PCNX2: variants seen among roughly 807,000 people sequenced by gnomAD.
PCNX2 encodes the protein pecanex-like protein 2.
In PCNX2, 168 loss-of-function variants were observed where a neutral mutation model predicts 223.8. The ratio of observed to expected loss-of-function variants is 0.75; its 90% CI spans 0.66 to 0.85. PCNX2 has a LOEUF of 0.85. Ranked by LOEUF, PCNX2 falls within the 40% of genes least tolerant of loss-of-function variation. The pLI is 0.00. For missense variants in PCNX2, 2,507 were observed against 2,675.5 expected, an observed-to-expected ratio of 0.94 and a Z score of 1.39; for synonymous variants, 1,006 against 1,052.6, an observed-to-expected ratio of 0.96 and a Z score of 0.86.
rs1332467373 is a variant in PCNX2, at chr1:233,045,118, G to A, written c.4351+9150C>T. Among the ~76,000 whole-genome samples, 3 of 152,168 alleles carry A rather than the reference G, an allele frequency of 2.0e-5. No homozygotes were observed. The East Asian group carries it at 5.8e-4, about 29-fold the overall frequency. ...GTTTGGGCAATTTTGTACTGCACCAGAACTACCCCAGTTATTTTTTGTTCA... is the reference window on the plus strand; with the variant it reads ...GTTTGGGCAATTTTGTACTGCACCAAAACTACCCCAGTTATTTTTTGTTCA... On this transcript the variant is annotated intron_variant, in intron 25 of 33. Transcript: ENST00000258229.
At chr1:233,090,344 A>C in intron 22 of PCNX2, 154 bp from the exon 23 acceptor site, 1 of 463,742 alleles carries the variant, frequency 2.2e-6, no homozygotes, top group South Asian at 9.2e-5. Flanking sequence ...TAGATTTATA[A>C]ATATAAAACT....
chr1:233,209,872 C>T (rs1396253175), intron 12 of PCNX2, among the ~76,000 whole-genome samples: 1 of 152,138 alleles, frequency 6.6e-6, no homozygotes, highest in Non-Finnish European at 1.5e-5. Context: ...TATTTCTCAT[C>T]AAGTGAATAG....
At chr1:233,320,359 G>A in the PCNX2 span, among the ~76,000 whole-genome samples, 1 of 152,090 alleles carries the variant, frequency 6.6e-6, no homozygotes, top group Admixed American at 6.5e-5. Context: ...TCGTGTGTGT[G>A]TGTGTGTGTG....
At chr1:233,159,570 G>C (rs1678340691) in intron 19 of PCNX2, among the ~76,000 whole-genome samples, 1 of 152,110 alleles carries the variant, frequency 6.6e-6, no homozygotes, top group Non-Finnish European at 1.5e-5. Flanking sequence ...AACTTTGATG[G>C]GTCTAAAACT....
At chr1:233,021,007 G>A (rs192882673) in intron 26 of PCNX2, among the ~76,000 whole-genome samples, 2 of 152,118 alleles carry the variant, frequency 1.3e-5, no homozygotes, top group Non-Finnish European at 2.9e-5. Context: ...AGGCAACTTT[G>A]TTCACCTAGC....
intron 12 of PCNX2, among the ~76,000 whole-genome samples, chr1:233,213,554 C>T (rs932047816): frequency 6.6e-6 from 1 of 152,140 alleles, no homozygotes; most frequent in African/African-American, 2.4e-5. Context: ...TTTAAAACTA[C>T]TCTAAAATAA....
At position 233,265,421 on chromosome 1, in the gene PCNX2, G is replaced by C. The variant is rs1425528445; in HGVS notation, c.154-2258C>G. Among the ~76,000 whole-genome samples, 3 of 152,058 alleles carry C rather than the reference G, an allele frequency of 2.0e-5. No individual in the cohort carries two copies. The East Asian group carries it at 5.8e-4, about 29-fold the overall frequency. ...AGGCTGAGGCCATATGACTACTTTT[G>C]CCCAATGGACAATGAGCACAAGTGC... On this transcript the variant is annotated intron_variant, in intron 1 of 33. Coordinates refer to ENST00000258229, the MANE Select transcript of PCNX2 (RefSeq NM_014801.4).
At chr1:233,215,958 TC>T (rs1682101526) in intron 12 of PCNX2, among the ~76,000 whole-genome samples, 1 of 152,234 alleles carries the variant, frequency 6.6e-6, no homozygotes. Flanking sequence ...TGCCATGTGA[TC>T]GTCCAATTAT....
Position 233,025,228 on chromosome 1 carries a change from C to G in PCNX2, c.4523G>C (p.Gly1508Ala). 6.2e-7 allele frequency: 1 copy of G among 1,613,990 alleles called. No homozygotes were observed. The highest frequency in any genetic ancestry group is 1.7e-5 in the Admixed American group (1 of 60,020). The change falls in exon 26 of 34, where the codon GGC becomes GCC. Residue 1508 changes from glycine (G) to alanine (A), a missense_variant. Around this residue, in one of 3 missense-constraint regions of PCNX2, gnomAD observed 1,372 missense variants for 1,509.4 expected, o/e 0.91. Coordinates refer to ENST00000258229, the MANE Select transcript of PCNX2 (RefSeq NM_014801.4). ...CGCGTTGTTGTCCAGGATGCTGTAG[C>G]CCTCCAGGATGTACTGGGTCTGCGT... is the stretch of plus-strand genomic sequence containing the variant. Reference protein sequence around the residue: ...EITQTQYILEGYSILDNNAAT... With the variant: ...EITQTQYILEAYSILDNNAAT...
intron 24 of PCNX2, among the ~76,000 whole-genome samples, chr1:233,056,741 A>G (rs745662554): frequency 9.9e-5 from 15 of 152,224 alleles, no homozygotes; most frequent in Admixed American, 2.0e-4. Context: ...GAAGAAATAG[A>G]ATGGTTAAAA....
intron 12 of PCNX2, among the ~76,000 whole-genome samples, chr1:233,216,573 A>G (rs1656929258): frequency 6.6e-6 from 1 of 152,218 alleles, no homozygotes; most frequent in African/African-American, 2.4e-5. Context: ...GGAGAAAAGG[A>G]AACCCTTCTA....
At chr1:233,249,909 C>T (rs1256049025) in intron 8 of PCNX2, among the ~76,000 whole-genome samples, 1 of 152,218 alleles carries the variant, frequency 6.6e-6, no homozygotes, top group Non-Finnish European at 1.5e-5. Context: ...CACAGGACCC[C>T]TCCCCCTGAA....
intron 23 of PCNX2, among the ~76,000 whole-genome samples, chr1:233,075,696 AACACACACACACACACAC>A (rs369431993): frequency 2.2e-5 from 3 of 137,346 alleles, no homozygotes; most frequent in East Asian, 2.1e-4. Flanking sequence ...GTTAGCTTAA[AACACACACACACACACAC>A]ACACACACAC....
intron 1 of PCNX2, among the ~76,000 whole-genome samples, chr1:233,271,321 T>G (rs757530058): frequency 2.6e-4 from 39 of 152,178 alleles, no homozygotes; most frequent in Non-Finnish European, 4.7e-4. Context: ...CACCATATTT[T>G]ATATATAATC....
intron 19 of PCNX2, among the ~76,000 whole-genome samples, chr1:233,145,816 A>T (rs1175644284): frequency 6.6e-6 from 1 of 152,100 alleles, no homozygotes; most frequent in Non-Finnish European, 1.5e-5. Context: ...CCCCTTGCTG[A>T]CTGCTCCTGG....
chr1:233,064,263 G>A (rs1672509390), intron 23 of PCNX2, among the ~76,000 whole-genome samples: 1 of 151,998 alleles, frequency 6.6e-6, no homozygotes, highest in Non-Finnish European at 1.5e-5. Flanking sequence ...CAACTCTAGG[G>A]GTTTTACACA....
chr1:233,245,583 C>A (rs917926336), intron 8 of PCNX2, among the ~76,000 whole-genome samples: 1 of 152,160 alleles, frequency 6.6e-6, no homozygotes, highest in African/African-American at 2.4e-5. Context: ...CAGGCCACAG[C>A]CAACCACGCA....
chr1:233,105,331 G>A (rs1020608915), intron 21 of PCNX2, among the ~76,000 whole-genome samples: 13 of 152,124 alleles, frequency 8.5e-5, no homozygotes, highest in African/African-American at 2.9e-4. Context: ...CAGAAAGGAC[G>A]TTGAAAAATA....
intron 1 of PCNX2, among the ~76,000 whole-genome samples, chr1:233,266,347 T>A (rs912298605): frequency 1.4e-4 from 22 of 152,030 alleles, no homozygotes; most frequent in Non-Finnish European, 2.5e-4. Context: ...GTCTTATTCA[T>A]AATTAATTAA....
Sources: gnomAD v4.1 joint callset for allele counts (sites outside exome capture counted in the v4.1 genomes callset) on GRCh38, gnomAD v4.1.1 for gene constraint, gnomAD v4.1.1 regional missense constraint, MANE v1.5 for transcripts, NCBI Gene and HGNC (gene_info 2026-07-23, HGNC 2026-07-21) for gene names.